TRABD2B: variants seen among roughly 807,000 people sequenced by gnomAD.
TRABD2B encodes TraB domain containing 2B.
Under a neutral mutation model 40.1 loss-of-function variants are expected in TRABD2B, and 14 were observed. The ratio of observed to expected loss-of-function variants is 0.35; its 90% CI spans 0.23 to 0.55. The LOEUF (loss-of-function observed/expected upper bound fraction) is 0.55. TRABD2B is among the 20% of genes least tolerant of loss of function. The pLI, the probability that TRABD2B is intolerant of heterozygous loss-of-function variation, is 0.90. For synonymous variants in TRABD2B, 263 were observed against 277.0 expected, an observed-to-expected ratio of 0.95 and a Z score of 0.50; for missense variants, 541 against 648.6, an observed-to-expected ratio of 0.83 and a Z score of 1.80.
chr1:47,929,541 A>T (rs1374852304), intron 2 of TRABD2B, among the ~76,000 whole-genome samples: 1 of 152,162 alleles, frequency 6.6e-6, no homozygotes, highest in African/African-American at 2.4e-5. Flanking sequence ...TAAAAGTGTC[A>T]TCTCCCTCAT....
At chr1:47,827,929 A>G (rs1229036821) in intron 2 of TRABD2B, among the ~76,000 whole-genome samples, 1 of 152,178 alleles carries the variant, frequency 6.6e-6, no homozygotes, top group Non-Finnish European at 1.5e-5. Flanking sequence ...AGCTACTCCA[A>G]GGCTTAGTCA....
At chr1:47,943,174 A>G (rs1645210042) in intron 2 of TRABD2B, among the ~76,000 whole-genome samples, 1 of 152,228 alleles carries the variant, frequency 6.6e-6, no homozygotes, top group Non-Finnish European at 1.5e-5. Flanking sequence ...CAACGAGGAC[A>G]CGCACACGCA....
In TRABD2B at chr1:47,787,334, G is replaced by A. The variant is rs183304861; in HGVS notation, c.988+7252C>T. Among the ~76,000 whole-genome samples the A allele has an allele frequency of 4.6e-5, 7 of 152,300 alleles. No individual in the cohort carries two copies. In the East Asian group the frequency reaches 9.6e-4, roughly 21 times the overall value. On this transcript the variant is annotated intron_variant, in intron 4 of 6. Transcript: ENST00000606738. Reference sequence around the variant, plus strand: ...AATGTTGGGGGCTAAAGGGGACCTTGGACCTAGCTCTGTCTAAAGCCCCTC... The same window carrying A: ...AATGTTGGGGGCTAAAGGGGACCTTAGACCTAGCTCTGTCTAAAGCCCCTC...
chr1:47,911,355 A>C (rs1005632468), intron 2 of TRABD2B, among the ~76,000 whole-genome samples: 1 of 152,218 alleles, frequency 6.6e-6, no homozygotes, highest in Non-Finnish European at 1.5e-5. Flanking sequence ...GTCTCCTCAG[A>C]AACTACTGGT....
chr1:47,972,075 A>G (rs1645689439), intron 2 of TRABD2B, among the ~76,000 whole-genome samples: 1 of 152,242 alleles, frequency 6.6e-6, no homozygotes, highest in African/African-American at 2.4e-5. Flanking sequence ...ACTTTCTGGC[A>G]AAAATAATGC....
At chr1:47,926,530 CA>C (rs1187681115) in intron 2 of TRABD2B, among the ~76,000 whole-genome samples, 15 of 152,158 alleles carry the variant, frequency 9.9e-5, no homozygotes, top group African/African-American at 3.6e-4. Flanking sequence ...CTGGCTGTGC[CA>C]AGCACTCTGT....
At chr1:47,993,084 A>G (rs1646035924) in intron 2 of TRABD2B, among the ~76,000 whole-genome samples, 1 of 152,222 alleles carries the variant, frequency 6.6e-6, no homozygotes, top group Non-Finnish European at 1.5e-5. Flanking sequence ...CCAATTTATG[A>G]GGCTGTCTCC....
chr1:47,800,919 G>T (rs1459023331), intron 3 of TRABD2B, among the ~76,000 whole-genome samples: 1 of 152,190 alleles, frequency 6.6e-6, no homozygotes, highest in Non-Finnish European at 1.5e-5. Context: ...CCAGCAGAGG[G>T]CACGTTGTAA....
At chr1:47,886,558 T>A (rs1274293403) in intron 2 of TRABD2B, among the ~76,000 whole-genome samples, 1 of 152,210 alleles carries the variant, frequency 6.6e-6, no homozygotes, top group East Asian at 1.9e-4. Context: ...TTTGTCCTTT[T>A]CCCTGTTCTC....
At chr1:47,796,387 C>A (rs1035309853) in intron 3 of TRABD2B, among the ~76,000 whole-genome samples, 5 of 152,116 alleles carry the variant, frequency 3.3e-5, no homozygotes, top group African/African-American at 1.2e-4. Flanking sequence ...GGATGGAGAG[C>A]CTGGCATGAA....
chr1:47,901,862 T>C (rs1287970225), intron 2 of TRABD2B, among the ~76,000 whole-genome samples: 1 of 151,972 alleles, frequency 6.6e-6, no homozygotes, highest in Non-Finnish European at 1.5e-5. Flanking sequence ...TGGGGCTCCT[T>C]GAGCAATCAG....
At chr1:47,861,458 C>T (rs1318290817) in intron 2 of TRABD2B, among the ~76,000 whole-genome samples, 4 of 152,052 alleles carry the variant, frequency 2.6e-5, no homozygotes, top group Admixed American at 6.6e-5. Flanking sequence ...AGGGTACTTC[C>T]TACAGATTCC....
intron 2 of TRABD2B, among the ~76,000 whole-genome samples, chr1:47,873,096 T>G (rs545502392): frequency 5.7e-4 from 87 of 152,236 alleles, no homozygotes; most frequent in African/African-American, 2.1e-3. Flanking sequence ...GGGGGTAGCT[T>G]TAATCCGATC....
At chr1:47,945,089 G>C (rs572772741) in intron 2 of TRABD2B, among the ~76,000 whole-genome samples, 1 of 152,182 alleles carries the variant, frequency 6.6e-6, no homozygotes, top group Non-Finnish European at 1.5e-5. Flanking sequence ...TGTATGCCAC[G>C]GGACTGATTC....
At chr1:47,882,832 G>C (rs1644323610) in intron 2 of TRABD2B, among the ~76,000 whole-genome samples, 1 of 152,076 alleles carries the variant, frequency 6.6e-6, no homozygotes. Context: ...GAAGGTAACA[G>C]TGAGGAAGGA....
At chr1:47,911,472 A>G (rs2124706682) in intron 2 of TRABD2B, among the ~76,000 whole-genome samples, 1 of 152,360 alleles carries the variant, frequency 6.6e-6, no homozygotes, top group Admixed American at 6.5e-5. Context: ...TTCTCCTTAG[A>G]TAAAGAACAG....
At chr1:47,845,180 C>T (rs1036509403) in intron 2 of TRABD2B, among the ~76,000 whole-genome samples, 1 of 152,170 alleles carries the variant, frequency 6.6e-6, no homozygotes, top group Admixed American at 6.5e-5. Flanking sequence ...AAAAGCTCAC[C>T]TTCCCACCCC....
intron 2 of TRABD2B, among the ~76,000 whole-genome samples, chr1:47,936,862 TCACCACCAC>T (rs146188972): frequency 2.0e-5 from 3 of 151,408 alleles, no homozygotes; most frequent in African/African-American, 7.3e-5. Flanking sequence ...ATCATCATCA[TCACCACCAC>T]CACCACCATC....
chr1:47,812,915 T>C (rs768033715), intron 2 of TRABD2B, among the ~76,000 whole-genome samples: 4 of 152,020 alleles, frequency 2.6e-5, no homozygotes, highest in Admixed American at 6.5e-5. Context: ...CTTCAGACAG[T>C]AGACAAGTCA....
Sources: allele counts gnomAD v4.1 joint callset (sites outside exome capture counted in the v4.1 genomes callset), GRCh38; gene constraint gnomAD v4.1.1; transcripts MANE v1.5; gene names NCBI Gene and HGNC (gene_info 2026-07-23, HGNC 2026-07-21).